The following TASOR2 variants were observed in gnomAD, a reference collection of about 807,000 sequenced individuals.
The protein encoded by TASOR2 is protein TASOR 2.
In TASOR2, 84 loss-of-function variants were observed where a neutral mutation model predicts 199.5. That is an observed-to-expected ratio of 0.42 (90% confidence interval 0.35 to 0.50). TASOR2 has a LOEUF of 0.50. Ranked by LOEUF, TASOR2 falls within the 20% of genes least tolerant of loss-of-function variation. The pLI is 0.02. For missense variants in TASOR2, 2,796 were observed against 2,835.9 expected (o/e 0.99, Z 0.32); for synonymous variants, 1,103 against 1,046.6 (o/e 1.05, Z -1.04).
At chr10:5,736,440 G>A (rs1410360372) in intron 12 of TASOR2, among the ~76,000 whole-genome samples, 1 of 150,892 alleles carries the variant, frequency 6.6e-6, no homozygotes, top group Non-Finnish European at 1.5e-5. Flanking sequence ...AAGAGAGAGA[G>A]ACGGGGTTTC....
At chr10:5,692,238 A>G (rs1836519948) in intron 1 of TASOR2, among the ~76,000 whole-genome samples, 1 of 152,230 alleles carries the variant, frequency 6.6e-6, no homozygotes, top group African/African-American at 2.4e-5. Context: ...AGTAAATTTA[A>G]AAAGCTGCAT....
At chr10:5,725,457 C>G (rs1244776785) in intron 8 of TASOR2, among the ~76,000 whole-genome samples, 2 of 143,954 alleles carry the variant, frequency 1.4e-5, no homozygotes, top group African/African-American at 5.2e-5. Context: ...GGGCAAGAAG[C>G]AAGGATACAA....
chr10:5,754,938 C>T lies in TASOR2; in HGVS notation c.6607-1675C>T, dbSNP rs571188676. Among the ~76,000 whole-genome samples, 1,820 of 148,196 alleles carry T rather than the reference C, an allele frequency of 0.012. 13 individuals are homozygous for T. Among genetic ancestry groups the T allele is most frequent in the Middle Eastern group, 0.036 (10 of 278 alleles). Reference sequence around the variant, plus strand: ...GCGGGTGCCTGTAGTCCCAGCTACTCGGGAGGCTGAGGCAGGAGAATGGCG... The same window carrying T: ...GCGGGTGCCTGTAGTCCCAGCTACTTGGGAGGCTGAGGCAGGAGAATGGCG... On this transcript the variant is annotated intron_variant, in intron 15 of 20. Transcript: ENST00000328090. This position sits in a 1 kb window ranked among gnomAD's most constrained non-coding sequence, Gnocchi z 4.3.
At chr10:5,727,831 ATTAT>A (rs1316228559) in intron 10 of TASOR2, among the ~76,000 whole-genome samples, 1 of 152,134 alleles carries the variant, frequency 6.6e-6, no homozygotes, top group Non-Finnish European at 1.5e-5. Context: ...TATTTGTATA[ATTAT>A]TTAATGCCTA....
chr10:5,731,308 C>T, intron 11 of TASOR2, 105 bp downstream of exon 12: 1 of 1,033,988 alleles, frequency 9.7e-7, no homozygotes, highest in Non-Finnish European at 1.4e-6. Context: ...GTGGGTGGAT[C>T]ACCTAAGGTC....
At chr10:5,724,675 A>T in intron 8 of TASOR2, 142 bp downstream of exon 9, 1 of 178,518 alleles carries the variant, frequency 5.6e-6, no homozygotes, top group East Asian at 1.5e-4. Context: ...ATATATAGAT[A>T]TAGATCGATA....
At chr10:5,762,074 G>A (rs943333290) in intron 19 of TASOR2, among the ~76,000 whole-genome samples, 4 of 152,016 alleles carry the variant, frequency 2.6e-5, no homozygotes, top group Non-Finnish European at 4.4e-5. Context: ...CCAGGAATTT[G>A]AGGCCAGCCT....
intron 14 of TASOR2, among the ~76,000 whole-genome samples, chr10:5,744,341 C>T (rs1836865389): frequency 6.6e-6 from 1 of 151,966 alleles, no homozygotes; most frequent in Non-Finnish European, 1.5e-5. Context: ...TCACTCTTGT[C>T]TCCCAGGCTG....
chr10:5,704,786 A>G (rs1838361555), intron 1 of TASOR2, among the ~76,000 whole-genome samples: 1 of 152,204 alleles, frequency 6.6e-6, no homozygotes, highest in Non-Finnish European at 1.5e-5. Flanking sequence ...AGCTTAGATC[A>G]TGTTACTCTT....
At position 5,719,419 on chromosome 10, in the gene TASOR2, T is replaced by A. The variant is rs1437032774; in HGVS notation, c.-99-1125T>A. On this transcript the variant is annotated intron_variant, in intron 3 of 20. Coordinates refer to ENST00000328090, the Ensembl canonical transcript of TASOR2. This position sits in a 1 kb window ranked among gnomAD's most constrained non-coding sequence, Gnocchi z 4.1. ...GTGTAGTGACACAATCTCAGCTCACTGCAACCTCCACCTCCCGGGTTCAAG... is the reference window on the plus strand; with the variant it reads ...GTGTAGTGACACAATCTCAGCTCACAGCAACCTCCACCTCCCGGGTTCAAG... Among the ~76,000 whole-genome samples, 1 of 152,158 alleles carries A rather than the reference T, an allele frequency of 6.6e-6. No homozygotes were observed. The highest frequency in any genetic ancestry group is 2.4e-5 in the African/African-American group (1 of 41,438).
At position 5,689,148 on chromosome 10, in the gene TASOR2, C is replaced by A. The variant is rs546742165; in HGVS notation, c.-288+3973C>A. 6.6e-6 allele frequency among the ~76,000 whole-genome samples: 1 copy of A among 152,284 alleles called. No homozygotes were observed. The highest frequency in any genetic ancestry group is 2.1e-4 in the South Asian group (1 of 4,828). On this transcript the variant is annotated intron_variant, in intron 1 of 20. Coordinates refer to ENST00000328090, the Ensembl canonical transcript of TASOR2. This position sits in a 1 kb window ranked among gnomAD's most constrained non-coding sequence, Gnocchi z 4.1. ...GAATACAAAAGTTGGCAATTGTTTT[C>A]TTTTAACATGCTGAAGCTCTTATTC...
Position 5,727,098 on chromosome 10 carries a change from T to C in TASOR2, c.462T>C (p.His154=). 3 of 1,614,180 alleles carry C rather than the reference T, an allele frequency of 1.9e-6. No homozygotes were observed. The Admixed American group carries it at 5.0e-5, about 27-fold the overall frequency. The change falls in exon 10 of 21, where the codon CAT becomes CAC. Residue 154 remains histidine, a synonymous_variant. Coordinates refer to ENST00000328090, the Ensembl canonical transcript of TASOR2. The stretch of plus-strand genomic sequence containing the variant: ...AGCAGATGGGTCTGCATGGGTTACA[T>C]TTATTTCGTTCACCCCTGTCAACAG...
intron 1 of TASOR2, among the ~76,000 whole-genome samples, chr10:5,708,109 G>A (rs1010102284): frequency 3.9e-5 from 6 of 152,152 alleles, no homozygotes; most frequent in African/African-American, 1.2e-4. Context: ...TTTTTGTGAA[G>A]CATATGAAAA....
At chr10:5,691,289 G>T (rs1221560903) in intron 1 of TASOR2, among the ~76,000 whole-genome samples, 1 of 151,928 alleles carries the variant, frequency 6.6e-6, no homozygotes, top group Admixed American at 6.6e-5. Context: ...GAAAAAAATT[G>T]TGGTGTTTAT....
chr10:5,714,016 T>A, intron 2 of TASOR2, 119 bp from the exon 3 acceptor site: 1 of 458,456 alleles, frequency 2.2e-6, no homozygotes, highest in Non-Finnish European at 3.5e-6. Context: ...GCCTGGGCAA[T>A]ATAGTGAGAC....
At chr10:5,697,477 A>G (rs921665379) in intron 1 of TASOR2, among the ~76,000 whole-genome samples, 29 of 152,332 alleles carry the variant, frequency 1.9e-4, no homozygotes, top group Admixed American at 7.2e-4. Context: ...CTGAGGAGCC[A>G]TATGGTATCA....
At chr10:5,713,108 C>T (rs556481120) in intron 2 of TASOR2, among the ~76,000 whole-genome samples, 190 bp downstream of exon 2, 3 of 152,210 alleles carry the variant, frequency 2.0e-5, no homozygotes, top group South Asian at 2.1e-4. Flanking sequence ...CAACTTTTCA[C>T]GGTTTCTCTT....
intron 15 of TASOR2, among the ~76,000 whole-genome samples, chr10:5,753,495 T>C (rs1838371162): frequency 6.6e-6 from 1 of 152,172 alleles, no homozygotes; most frequent in Non-Finnish European, 1.5e-5. Flanking sequence ...CCGGAGTAGC[T>C]GGGACTACAG....
At chr10:5,757,484 G>A in intron 16 of TASOR2, 36 bp from the exon 18 acceptor site, 1 of 1,566,694 alleles carries the variant, frequency 6.4e-7, no homozygotes, top group East Asian at 2.3e-5. Flanking sequence ...TGCCCAGTGA[G>A]CCTCTCTTCA....
Sources: allele counts gnomAD v4.1 joint callset (sites outside exome capture counted in the v4.1 genomes callset), GRCh38; gene constraint gnomAD v4.1.1; non-coding constraint Gnocchi (gnomAD v3.1); transcripts MANE v1.5; gene names NCBI Gene and HGNC (gene_info 2026-07-23, HGNC 2026-07-21).